CNDP1: variants seen among roughly 807,000 people sequenced by gnomAD.
CNDP1 encodes carnosine dipeptidase 1.
Under a neutral mutation model 58.1 loss-of-function variants are expected in CNDP1, and 44 were observed. The observed-to-expected ratio is 0.76, with a 90% CI of 0.60 to 0.97. CNDP1 has a LOEUF of 0.97. Ranked by LOEUF, CNDP1 falls within the 50% of genes least tolerant of loss-of-function variation. The probability of loss-of-function intolerance (pLI) is 0.00; values close to 1 mark genes in which losing one functional copy is unlikely to be tolerated. For synonymous variants in CNDP1, 254 were observed against 252.6 expected, an observed-to-expected ratio of 1.01 and a Z score of -0.05; for missense variants, 616 against 655.1, an observed-to-expected ratio of 0.94 and a Z score of 0.65.
In CNDP1 at chr18:74,567,118, T is replaced by G. The variant is rs1389207803; in HGVS notation, c.556-115T>G. 3.8e-6 allele frequency: 3 copies of G among 785,674 alleles called. No homozygotes were observed. In the Admixed American group the frequency reaches 6.0e-5, roughly 16 times the overall value. 48.7% of individuals were successfully genotyped at this position (785,674 alleles called of 1,614,324 possible). A position where few individuals can be genotyped will look rare whatever the true frequency, so the allele number is the denominator to read the frequency against. Reference sequence around the variant, plus strand: ...CATGATTCAATTACCTCCCCCTGGGTCCCTCCACAACACGTGGGAATTCTG... The same window carrying G: ...CATGATTCAATTACCTCCCCCTGGGGCCCTCCACAACACGTGGGAATTCTG... On this transcript the variant is annotated intron_variant, in intron 5 of 11. Coordinates refer to ENST00000358821, the MANE Select transcript of CNDP1 (RefSeq NM_032649.6).
chr18:74,573,626 AC>A (rs1046010425), intron 7 of CNDP1, among the ~76,000 whole-genome samples: 2 of 152,342 alleles, frequency 1.3e-5, no homozygotes, highest in Non-Finnish European at 2.9e-5. Flanking sequence ...TATGCAACTC[AC>A]AATTTTGGGG....
intron 5 of CNDP1, among the ~76,000 whole-genome samples, chr18:74,565,922 C>T (rs978588130): frequency 2.0e-4 from 30 of 152,228 alleles, no homozygotes; most frequent in African/African-American, 6.8e-4. Flanking sequence ...AGGGTCCCAC[C>T]TCTGCAGCAA....
intron 8 of CNDP1, chr18:74,577,924 T>C (rs899115300): frequency 5.2e-6 from 2 of 383,590 alleles, no homozygotes; most frequent in Admixed American, 8.2e-5. Context: ...CTGCAGATCT[T>C]GGGCAAAGAG....
chr18:74,534,719 C>T (rs750479103), intron 1 of CNDP1, 28 bp downstream of exon 1: 34 of 1,613,308 alleles, frequency 2.1e-5, no homozygotes, highest in African/African-American at 2.7e-5. Flanking sequence ...CATCAGAGTC[C>T]GTGCATTGGG....
rs1310096319 is a variant in CNDP1 at position 74,562,133 on chromosome 18, C to A, written c.553C>A (p.Gln185Lys). 1 of 1,613,890 alleles carries A rather than the reference C, an allele frequency of 6.2e-7. No individual in the cohort carries two copies. The highest frequency in any genetic ancestry group is 8.5e-7 in the Non-Finnish European group (1 of 1,179,854). ...TGTGAGCGCCTTCAGAGCCCTGGAG[C>A]AAGTAGGTGGCAGCTGTGTTTGGGA... ...NAVSAFRALE[Q>K]DLPVNIKFII... The change falls in exon 5 of 12, where the codon CAA becomes AAA. Residue 185 changes from glutamine to lysine, a missense_variant and splice_region_variant. Physicochemically the swap from Gln to Lys is moderately conservative, Grantham distance 53 (BLOSUM62 1). Coordinates refer to ENST00000358821, the MANE Select transcript of CNDP1 (RefSeq NM_032649.6).
rs1337375793 is a variant in CNDP1 at position 74,545,771 on chromosome 18, C to T, written c.25-10567C>T. On this transcript the variant is annotated intron_variant, in intron 1 of 11. Coordinates refer to ENST00000358821, the MANE Select transcript of CNDP1 (RefSeq NM_032649.6). This position sits in a 1 kb window ranked among gnomAD's most constrained non-coding sequence, Gnocchi z 4.1. Reference sequence around the variant, plus strand: ...TAAATATCCTATCGACACTTTTACACAAAAATCACTCAAATGAGATTTAAA... The same window carrying T: ...TAAATATCCTATCGACACTTTTACATAAAAATCACTCAAATGAGATTTAAA... Among the ~76,000 whole-genome samples the T allele has an allele frequency of 6.6e-6, 1 of 152,144 alleles. No individual in the cohort carries two copies. The highest frequency in any genetic ancestry group is 1.5e-5 in the Non-Finnish European group (1 of 68,022).
intron 2 of CNDP1, among the ~76,000 whole-genome samples, chr18:74,556,936 G>A (rs1473838063): frequency 6.6e-6 from 1 of 152,206 alleles, no homozygotes; most frequent in Non-Finnish European, 1.5e-5. Context: ...TTTGTTTTGA[G>A]ACAGAGTCTC....
chr18:74,551,111 A>G (rs1260507622), intron 1 of CNDP1, among the ~76,000 whole-genome samples: 1 of 151,906 alleles, frequency 6.6e-6, no homozygotes, highest in Admixed American at 6.6e-5. Flanking sequence ...CACCTCCCCG[A>G]TCCCTCTTGC....
At chr18:74,576,425 A>T (rs2144575215) in intron 7 of CNDP1, 1 of 152,662 alleles carries the variant, frequency 6.6e-6, no homozygotes, top group South Asian at 2.1e-4. Context: ...TTGACCTCCC[A>T]AAGTGCTGGG....
intron 5 of CNDP1, among the ~76,000 whole-genome samples, chr18:74,562,600 A>T (rs988089856): frequency 6.6e-6 from 1 of 152,234 alleles, no homozygotes; most frequent in African/African-American, 2.4e-5. Context: ...AATGATCAAG[A>T]TAGGAATCTC....
Position 74,559,477 on chromosome 18 carries a change from T to C in CNDP1, c.303+5T>C. 6.3e-7 allele frequency: 1 copy of C among 1,598,450 alleles called. No individual in the cohort carries two copies. The highest frequency in any genetic ancestry group is 1.8e-4 in the Middle Eastern group (1 of 5,712). ...GTGGACATGGGTCCTCAGCAGGTGCTGTACGATTCCCTCCCACTGAGGGAG... is the reference window on the plus strand; with the variant it reads ...GTGGACATGGGTCCTCAGCAGGTGCCGTACGATTCCCTCCCACTGAGGGAG... On this transcript the variant is annotated splice_donor_5th_base_variant and intron_variant, in intron 3 of 11. Coordinates refer to ENST00000358821, the MANE Select transcript of CNDP1 (RefSeq NM_032649.6).
At chr18:74,546,141 C>G in intron 1 of CNDP1, among the ~76,000 whole-genome samples, 1 of 152,180 alleles carries the variant, frequency 6.6e-6, no homozygotes, top group Non-Finnish European at 1.5e-5. Context: ...TTGACTGGCT[C>G]TGTCATTGTG....
intron 10 of CNDP1, among the ~76,000 whole-genome samples, chr18:74,581,317 A>G (rs1279081029): frequency 6.7e-6 from 1 of 149,984 alleles, no homozygotes; most frequent in Non-Finnish European, 1.5e-5. Flanking sequence ...TCCCCTGAGA[A>G]TTTTTAACCA....
At chr18:74,575,128 A>C (rs906432685) in intron 7 of CNDP1, among the ~76,000 whole-genome samples, 1 of 152,070 alleles carries the variant, frequency 6.6e-6, no homozygotes, top group African/African-American at 2.4e-5. Context: ...AAGGAAGGAA[A>C]GAAAAAAGAA....
intron 11 of CNDP1, 46 bp from the exon 12 acceptor site, chr18:74,584,450 G>C (rs2144583285): frequency 1.5e-6 from 2 of 1,337,776 alleles, no homozygotes; most frequent in South Asian, 2.3e-5. Context: ...TCCTTCATTT[G>C]AATGGAAATT....
chr18:74,568,626 C>T (rs1343782352), intron 6 of CNDP1, among the ~76,000 whole-genome samples: 1 of 152,150 alleles, frequency 6.6e-6, no homozygotes, highest in African/African-American at 2.4e-5. Flanking sequence ...AGAAAATAAC[C>T]TCTTCTGTGA....
chr18:74,576,585 T>A (rs1312784185), intron 7 of CNDP1: 1 of 345,566 alleles, frequency 2.9e-6, no homozygotes, highest in Non-Finnish European at 5.2e-6. Flanking sequence ...TGCAGGTAAC[T>A]CACTCCGACC....
At chr18:74,539,573 C>G (rs1280326599) in intron 1 of CNDP1, among the ~76,000 whole-genome samples, 1 of 152,212 alleles carries the variant, frequency 6.6e-6, no homozygotes, top group African/African-American at 2.4e-5. Flanking sequence ...GACCAAACTC[C>G]TTGTTAGTGT....
chr18:74,537,738 CG>C (rs1568289387), intron 1 of CNDP1, among the ~76,000 whole-genome samples: 1 of 152,110 alleles, frequency 6.6e-6, no homozygotes, highest in African/African-American at 2.4e-5. Flanking sequence ...CCAGTCACTC[CG>C]GGCAAAGAGT....
Sources: allele counts gnomAD v4.1 joint callset (sites outside exome capture counted in the v4.1 genomes callset), GRCh38; gene constraint gnomAD v4.1.1; non-coding constraint Gnocchi (gnomAD v3.1); transcripts MANE v1.5; gene names NCBI Gene and HGNC (gene_info 2026-07-23, HGNC 2026-07-21).